Variants in RBFOX2 observed in about 807,000 individuals in gnomAD.
The protein encoded by RBFOX2 is RNA binding fox-1 homolog 2.
A neutral mutation model predicts 49.1 loss-of-function variants in RBFOX2; 10 were observed. The observed-to-expected ratio is 0.20, with a 90% CI of 0.13 to 0.35. The LOEUF (loss-of-function observed/expected upper bound fraction) is 0.35. RBFOX2 is among the 10% of genes least tolerant of loss of function. The probability of loss-of-function intolerance (pLI) is 1.00; values close to 1 mark genes in which losing one functional copy is unlikely to be tolerated. For synonymous variants in RBFOX2, 183 were observed against 187.4 expected (o/e 0.98, Z 0.19); for missense variants, 323 against 486.9 (o/e 0.66, Z 3.17).
upstream of RBFOX2, chr22:35,939,109 C>G (rs143553795): frequency 8.6e-6 from 6 of 696,446 alleles, no homozygotes; most frequent in African/African-American, 8.8e-5. Context: ...GAGCACTATT[C>G]ATAAAAACTA....
Position 36,023,593 on chromosome 22 carries a change from ATTAAAC to A in RBFOX2, c.186+4641_186+4646del, listed in dbSNP as rs541474631. Among the ~76,000 whole-genome samples the A allele has an allele frequency of 2.3e-3, 349 of 152,352 alleles. 1 individual carries two copies. The highest frequency in any genetic ancestry group is 8.2e-3 in the African/African-American group (340 of 41,590). Reference sequence around the variant, plus strand: ...TGTATAGAGCGTAAATTTCATACATATTAAACTTAAAGTGAAATGAACCTCTAATAG... The same window carrying A: ...TGTATAGAGCGTAAATTTCATACATATTAAAGTGAAATGAACCTCTAATAG... On this transcript the variant is annotated intron_variant, in intron 1 of 13. Coordinates refer to the RBFOX2 transcript ENST00000438146.
At chr22:35,950,666 C>T (rs62232603) in intron 1 of RBFOX2, among the ~76,000 whole-genome samples, 3 of 152,226 alleles carry the variant, frequency 2.0e-5, no homozygotes, top group Middle Eastern at 3.4e-3. Context: ...TACTTCTCTG[C>T]CATTCTGAGA....
chr22:36,022,408 G>A, intron 1 of RBFOX2, among the ~76,000 whole-genome samples: 1 of 152,216 alleles, frequency 6.6e-6, no homozygotes. Flanking sequence ...TAGAAAATGG[G>A]AGGGAGTTGG....
In RBFOX2 at chr22:35,759,618, AAC is replaced by A. The variant is rs1938021105; in HGVS notation, c.887+268_887+269del. On this transcript the variant is annotated intron_variant, in intron 9 of 11. Transcript: ENST00000405409. The surrounding 1 kb of genome is among the most constrained non-coding windows in gnomAD (Gnocchi z 4.6). The stretch of plus-strand genomic sequence containing the variant: ...ACTTCATGCCAACACACTGCTAGTA[AAC>A]ACAAGACGGTTCTGGCTACTGTCTT... Among the ~76,000 whole-genome samples the A allele has an allele frequency of 1.3e-5, 2 of 152,186 alleles. No individual in the cohort carries two copies. Among genetic ancestry groups the A allele is most frequent in the South Asian group, 4.1e-4 (2 of 4,834 alleles).
intron 2 of RBFOX2, among the ~76,000 whole-genome samples, chr22:35,785,191 T>C (rs1946133123): frequency 6.6e-6 from 1 of 152,106 alleles, no homozygotes; most frequent in African/African-American, 2.4e-5. Flanking sequence ...ATGAATCTCT[T>C]TTGCAACATC....
upstream of RBFOX2, among the ~76,000 whole-genome samples, chr22:35,942,553 G>C (rs936103800): frequency 8.6e-5 from 13 of 152,002 alleles, no homozygotes; most frequent in African/African-American, 2.9e-4. Flanking sequence ...CCACCTGCAA[G>C]GTTTTTAAAA....
intron 1 of RBFOX2, among the ~76,000 whole-genome samples, chr22:35,912,775 A>T (rs1268783339): frequency 6.6e-6 from 1 of 152,202 alleles, no homozygotes; most frequent in Admixed American, 6.5e-5. Context: ...GATCAAATAA[A>T]ACTCTCAAGA....
chr22:35,900,054 A>C (rs147922938), intron 1 of RBFOX2, among the ~76,000 whole-genome samples: 1 of 152,302 alleles, frequency 6.6e-6, no homozygotes, highest in East Asian at 1.9e-4. Flanking sequence ...TGGTGGGCAG[A>C]AAGGGTCTGG....
chr22:35,951,081 G>C (rs1214126963), intron 1 of RBFOX2, among the ~76,000 whole-genome samples: 1 of 151,174 alleles, frequency 6.6e-6, no homozygotes. Flanking sequence ...AGCCTCCCAG[G>C]TAGCTGGGAT....
intron 8 of RBFOX2, among the ~76,000 whole-genome samples, chr22:35,760,333 G>A (rs936531339): frequency 2.6e-5 from 4 of 152,178 alleles, no homozygotes; most frequent in African/African-American, 9.7e-5. Flanking sequence ...AAGAAGCTCT[G>A]AGAATGACTG....
rs1938115937 is a variant in RBFOX2 at position 35,759,823 on chromosome 22, T to C, written c.887+65A>G. The C allele has an allele frequency of 5.7e-6, 9 of 1,590,648 alleles. No homozygotes were observed. In the South Asian group the frequency reaches 6.6e-5, roughly 12 times the overall value. ...CATCCCAGAAGTTATGAAAGGGCCA[T>C]GGTATTCTTTTTTGGTCCAACTGCT... On this transcript the variant is annotated intron_variant, in intron 9 of 11. Transcript: ENST00000405409. This position sits in a 1 kb window ranked among gnomAD's most constrained non-coding sequence, Gnocchi z 4.6.
intron 1 of RBFOX2, among the ~76,000 whole-genome samples, chr22:35,864,303 A>G (rs913042839): frequency 2.6e-5 from 4 of 152,324 alleles, no homozygotes; most frequent in African/African-American, 9.6e-5. Flanking sequence ...AAGGGTTCAT[A>G]GTACCTACCA....
intron 6 of RBFOX2, among the ~76,000 whole-genome samples, chr22:35,763,147 C>A (rs930571332): frequency 3.3e-5 from 5 of 152,190 alleles, no homozygotes; most frequent in African/African-American, 1.2e-4. Flanking sequence ...TTCTTAGGAC[C>A]TTTAACACAA....
intron 1 of RBFOX2, among the ~76,000 whole-genome samples, chr22:35,854,763 T>C (rs946365399): frequency 7.9e-5 from 12 of 152,206 alleles, no homozygotes; most frequent in African/African-American, 2.9e-4. Context: ...ATAACTCTTA[T>C]ACTTTATCTT....
intron 2 of RBFOX2, among the ~76,000 whole-genome samples, chr22:35,790,804 C>T (rs942009990): frequency 1.3e-5 from 2 of 152,056 alleles, no homozygotes; most frequent in Non-Finnish European, 2.9e-5. Context: ...CCCAGGAGTT[C>T]GAGACCAGCC....
At chr22:35,808,979 C>A (rs1320776256) in intron 2 of RBFOX2, among the ~76,000 whole-genome samples, 1 of 151,174 alleles carries the variant, frequency 6.6e-6, no homozygotes, top group African/African-American at 2.4e-5. Context: ...ACTAGTAAAC[C>A]AAGTACGGAG....
At chr22:36,021,565 C>A (rs2059249229) in intron 1 of RBFOX2, among the ~76,000 whole-genome samples, 1 of 151,760 alleles carries the variant, frequency 6.6e-6, no homozygotes, top group African/African-American at 2.4e-5. Flanking sequence ...AATGTTCAGA[C>A]TCAAATAATC....
intron 1 of RBFOX2, among the ~76,000 whole-genome samples, chr22:35,988,531 G>A (rs1376502576): frequency 1.3e-5 from 2 of 151,952 alleles, no homozygotes; most frequent in East Asian, 3.9e-4. Context: ...GATTCCCAAA[G>A]GTTTATTAAG....
intron 1 of RBFOX2, among the ~76,000 whole-genome samples, chr22:35,873,500 T>C (rs2044624679): frequency 6.6e-6 from 1 of 152,336 alleles, no homozygotes; most frequent in African/African-American, 2.4e-5. Context: ...ACCCCACTCA[T>C]AGCGTAGTTC....
Sources: allele counts gnomAD v4.1 joint callset (sites outside exome capture counted in the v4.1 genomes callset), GRCh38; gene constraint gnomAD v4.1.1; non-coding constraint Gnocchi (gnomAD v3.1); transcripts MANE v1.5; gene names NCBI Gene and HGNC (gene_info 2026-07-23, HGNC 2026-07-21).